The following EYA4 variants were observed in gnomAD, a reference collection of about 807,000 sequenced individuals.
EYA4 encodes the protein protein phosphatase EYA4.
EYA4 carries 31 observed loss-of-function variants against 87.9 expected under a neutral mutation model. The ratio of observed to expected loss-of-function variants is 0.35; its 90% confidence interval spans 0.27 to 0.48. The LOEUF (loss-of-function observed/expected upper bound fraction) is 0.48, where lower values mean the gene tolerates loss of function less well. Ranked by LOEUF, EYA4 falls within the 20% of genes least tolerant of loss-of-function variation. EYA4 has a pLI of 0.99. For synonymous variants in EYA4, 263 were observed against 270.6 expected, an observed-to-expected ratio of 0.97 and a Z score of 0.28; for missense variants, 678 against 761.4, an observed-to-expected ratio of 0.89 and a Z score of 1.29.
At chr6:133,380,138 G>T (rs552894749) in intron 2 of EYA4, among the ~76,000 whole-genome samples, 39 of 152,166 alleles carry the variant, frequency 2.6e-4, no homozygotes, top group Non-Finnish European at 4.3e-4. Context: ...ACTTCCCCTA[G>T]AGTAGTCATG....
At chr6:133,516,088 AAGGTAGAG>A (rs58184606) in intron 17 of EYA4, among the ~76,000 whole-genome samples, 18,003 of 152,164 alleles carry the variant, frequency 0.12, 1,293 homozygotes, top group Middle Eastern at 0.17. Flanking sequence ...GATAGCTGGT[AAGGTAGAG>A]TTGAATCTCT....
At chr6:133,329,101 C>A (rs1288516260) in intron 2 of EYA4, among the ~76,000 whole-genome samples, 2 of 151,992 alleles carry the variant, frequency 1.3e-5, no homozygotes, top group Admixed American at 1.3e-4. Flanking sequence ...TTTATTTGCT[C>A]CAACTGTACA....
rs547110371 is a variant in EYA4, at chr6:133,271,546, A to G, written c.-65-3170A>G. Among the ~76,000 whole-genome samples, 6 of 152,248 alleles carry G rather than the reference A, an allele frequency of 3.9e-5. No homozygotes were observed. The South Asian group carries it at 6.2e-4, about 16-fold the overall frequency. ...GTGAGGACAAACCTCTTCCCTTTCT[A>G]TGATGGAAGAGGTCCAATATAATCA... On this transcript the variant is annotated intron_variant, in intron 1 of 19. Transcript: ENST00000355286.
chr6:133,396,499 C>T (rs982994123), intron 3 of EYA4, among the ~76,000 whole-genome samples: 22 of 152,162 alleles, frequency 1.4e-4, no homozygotes, highest in African/African-American at 5.3e-4. Flanking sequence ...GAAGGCATTA[C>T]ATAGGAGCAT....
intron 2 of EYA4, among the ~76,000 whole-genome samples, chr6:133,354,816 G>A (rs921324535): frequency 6.6e-6 from 1 of 152,200 alleles, no homozygotes; most frequent in African/African-American, 2.4e-5. Context: ...TTCTGTTTAT[G>A]AAGGCATTCA....
chr6:133,269,869 G>T (rs571038774), intron 1 of EYA4, among the ~76,000 whole-genome samples: 2 of 151,900 alleles, frequency 1.3e-5, no homozygotes, highest in South Asian at 2.1e-4. Context: ...ACAATCACAG[G>T]GTCCTCCAAT....
In EYA4 at chr6:133,278,313, C is replaced by T. The variant is rs78457404; in HGVS notation, c.33+3500C>T. 8.5e-5 allele frequency among the ~76,000 whole-genome samples: 13 copies of T among 152,234 alleles called. No homozygotes were observed. In the South Asian group the frequency reaches 1.9e-3, roughly 22 times the overall value. ...TTTCTTCTCACCCAATCAGCCCTAC[C>T]GGTCAGGGCCCTCTGCAGTGTGCTG... On this transcript the variant is annotated intron_variant, in intron 2 of 19. Coordinates refer to ENST00000355286, the MANE Select transcript of EYA4 (RefSeq NM_004100.5).
intron 1 of EYA4, among the ~76,000 whole-genome samples, chr6:133,252,026 G>A (rs934412898): frequency 6.6e-6 from 1 of 152,120 alleles, no homozygotes; most frequent in African/African-American, 2.4e-5. Context: ...TTCCTTTTCT[G>A]GAAATAATAT....
At chr6:133,248,536 T>C (rs904838833) in intron 1 of EYA4, 8 of 152,230 alleles carry the variant, frequency 5.3e-5, no homozygotes, top group South Asian at 2.1e-4. Context: ...AACTCCCTAA[T>C]GTTAAAAGAT....
intron 1 of EYA4, among the ~76,000 whole-genome samples, chr6:133,267,409 C>A (rs1776309811): frequency 6.6e-6 from 1 of 151,534 alleles, no homozygotes; most frequent in South Asian, 2.1e-4. Context: ...GAGACAGAGT[C>A]TCACTCTGTC....
intron 14 of EYA4, among the ~76,000 whole-genome samples, chr6:133,506,491 C>T (rs7749529): frequency 0.14 from 21,675 of 152,152 alleles, 1,671 homozygotes; most frequent in Middle Eastern, 0.19. Flanking sequence ...TCAGCATTAG[C>T]TCTTCCAGAT....
At chr6:133,482,017 A>T (rs1407979929) in intron 12 of EYA4, among the ~76,000 whole-genome samples, 1 of 152,356 alleles carries the variant, frequency 6.6e-6, no homozygotes, top group East Asian at 1.9e-4. Flanking sequence ...AGAAAAATTC[A>T]TCTTCTAAAA....
At chr6:133,278,294 C>T (rs1397025878) in intron 2 of EYA4, among the ~76,000 whole-genome samples, 1 of 152,140 alleles carries the variant, frequency 6.6e-6, no homozygotes, top group African/African-American at 2.4e-5. Context: ...CTCCTTTCTT[C>T]TCACCCAATC....
At chr6:133,309,369 T>A (rs1184560978) in intron 2 of EYA4, among the ~76,000 whole-genome samples, 2 of 152,162 alleles carry the variant, frequency 1.3e-5, no homozygotes, top group Non-Finnish European at 2.9e-5. Context: ...TATATGGTGA[T>A]CCAGAAGTAC....
chr6:133,350,193 G>C (rs1362539325), intron 2 of EYA4, among the ~76,000 whole-genome samples: 3 of 152,066 alleles, frequency 2.0e-5, no homozygotes, highest in Non-Finnish European at 4.4e-5. Flanking sequence ...AATTTATTGA[G>C]TTCCCATTAT....
intron 2 of EYA4, among the ~76,000 whole-genome samples, chr6:133,348,602 A>C (rs1051240361): frequency 6.6e-6 from 1 of 152,140 alleles, no homozygotes; most frequent in East Asian, 1.9e-4. Flanking sequence ...TGGTGATCTC[A>C]TCCAGTCTCT....
At chr6:133,494,690 G>GT (rs1040390503) in intron 13 of EYA4, among the ~76,000 whole-genome samples, 1,344 of 129,092 alleles carry the variant, frequency 0.01, 20 homozygotes, top group African/African-American at 0.032. Flanking sequence ...AAAAAAAAGT[G>GT]TTTTTTTTTT....
chr6:133,347,227 G>A (rs367717778), intron 2 of EYA4, among the ~76,000 whole-genome samples: 96 of 152,234 alleles, frequency 6.3e-4, no homozygotes, highest in African/African-American at 2.2e-3. Context: ...ATTGTGCTGT[G>A]TATTCCAAAC....
chr6:133,301,191 C>T (rs1405544301), intron 2 of EYA4, among the ~76,000 whole-genome samples: 1 of 152,054 alleles, frequency 6.6e-6, no homozygotes, highest in African/African-American at 2.4e-5. Context: ...GTATATTAAA[C>T]CATCTTGATA....
Sources: allele counts gnomAD v4.1 joint callset (sites outside exome capture counted in the v4.1 genomes callset), GRCh38; gene constraint gnomAD v4.1.1; transcripts MANE v1.5; gene names NCBI Gene and HGNC (gene_info 2026-07-23, HGNC 2026-07-21).